The following CYFIP1 variants were observed in gnomAD, a reference collection of about 807,000 sequenced individuals.
CYFIP1 encodes the protein cytoplasmic FMR1 interacting protein 1, also known as cytoplasmic FMR1-interacting protein 1.
Under a neutral mutation model 163.5 loss-of-function variants are expected in CYFIP1, and 58 were observed. That is an observed-to-expected ratio of 0.35 (90% confidence interval 0.29 to 0.44). The LOEUF (loss-of-function observed/expected upper bound fraction) is 0.44. Among genes scored for constraint, CYFIP1 ranks in the 20% least tolerant of loss-of-function variants. The pLI, the probability that CYFIP1 is intolerant of heterozygous loss-of-function variation, is 1.00. For synonymous variants in CYFIP1, 663 were observed against 660.7 expected (o/e 1.00, Z -0.05); for missense variants, 1,338 against 1,653.8 (o/e 0.81, Z 3.31).
intron 1 of CYFIP1, among the ~76,000 whole-genome samples, chr15:22,975,282 C>G (rs2063227990): frequency 6.6e-6 from 1 of 151,908 alleles, no homozygotes; most frequent in African/African-American, 2.4e-5. Flanking sequence ...TCCAGCCTGG[C>G]CAACATGGTG....
intron 17 of CYFIP1, among the ~76,000 whole-genome samples, chr15:22,912,584 T>C (rs1427730776): frequency 1.3e-5 from 2 of 152,212 alleles, no homozygotes; most frequent in Non-Finnish European, 2.9e-5. Flanking sequence ...TACAAGTACA[T>C]AGGATTTTTA....
At chr15:22,948,632 C>A (rs189874427) in intron 1 of CYFIP1, among the ~76,000 whole-genome samples, 2 of 152,268 alleles carry the variant, frequency 1.3e-5, no homozygotes, top group East Asian at 3.9e-4. Context: ...CAAAATAACA[C>A]AGGTGCTGCA....
At chr15:22,923,957 A>AAAAAAAAACAAGAAAAAG (rs1415069529) in intron 13 of CYFIP1, among the ~76,000 whole-genome samples, 15 of 150,734 alleles carry the variant, frequency 1.0e-4, no homozygotes, top group African/African-American at 3.4e-4. Context: ...AAAAAAAAAA[A>AAAAAAAAACAAGAAAAAG]AAAAAAAACA....
At position 22,869,971 on chromosome 15, in the gene CYFIP1, A is replaced by G; in HGVS notation, c.*57T>C. 1 of 1,478,780 alleles carries G rather than the reference A, an allele frequency of 6.8e-7. No individual in the cohort carries two copies. Among genetic ancestry groups the G allele is most frequent in the Non-Finnish European group, 9.0e-7 (1 of 1,114,616 alleles). 91.6% of individuals were successfully genotyped at this position (1,478,780 alleles called of 1,614,324 possible). A position where few individuals can be genotyped will look rare whatever the true frequency, so the allele number is the denominator to read the frequency against. On this transcript the variant is annotated 3_prime_UTR_variant, in exon 31 of 31. Transcript: ENST00000617928. Reference sequence around the variant, plus strand: ...AAAATAGTCCCTAAAAATCTCACTAAATAGTTTACGGAGAGAAAGGCATGC... The same window carrying G: ...AAAATAGTCCCTAAAAATCTCACTAGATAGTTTACGGAGAGAAAGGCATGC...
intron 1 of CYFIP1, among the ~76,000 whole-genome samples, chr15:22,979,929 A>C (rs1346387684): frequency 6.6e-6 from 1 of 152,056 alleles, no homozygotes; most frequent in Admixed American, 6.5e-5. Flanking sequence ...TCGCCACTGG[A>C]GCTGTGCCAT....
At position 22,867,583 on chromosome 15, in the gene CYFIP1, T is replaced by C. The variant is rs1034578580; in HGVS notation, c.*2445A>G. 2.8e-4 allele frequency: 52 copies of C among 185,464 alleles called. No individual in the cohort carries two copies. Among genetic ancestry groups the C allele is most frequent in the Non-Finnish European group, 2.7e-4 (25 of 91,030 alleles). The allele number at this position is 185,464 out of a possible 1,614,324, so 11.5% of individuals were successfully genotyped here. A position where few individuals can be genotyped will look rare whatever the true frequency, so the allele number is the denominator to read the frequency against. On this transcript the variant is annotated 3_prime_UTR_variant, in exon 31 of 31. Transcript: ENST00000617928. ...TGATGCCTGGAACCTTGATTACCGT[T>C]TTACATCAGCTCTTGTACTTTTCAG... is the stretch of plus-strand genomic sequence containing the variant.
intron 10 of CYFIP1, among the ~76,000 whole-genome samples, chr15:22,932,560 T>C (rs1399471148): frequency 6.6e-6 from 1 of 152,342 alleles, no homozygotes; most frequent in African/African-American, 2.4e-5. Context: ...AAAAGGTTTC[T>C]TGACCCCTGA....
intron 26 of CYFIP1, among the ~76,000 whole-genome samples, chr15:22,876,756 A>G (rs1339402687): frequency 6.6e-6 from 1 of 152,026 alleles, no homozygotes; most frequent in African/African-American, 2.4e-5. Flanking sequence ...ACTTGAACCC[A>G]GGAGGTAGAA....
At chr15:22,924,730 T>C (rs1422091264) in intron 13 of CYFIP1, among the ~76,000 whole-genome samples, 1 of 152,168 alleles carries the variant, frequency 6.6e-6, no homozygotes, top group African/African-American at 2.4e-5. Context: ...AAAAAGCTTC[T>C]ACCAAAATAA....
At chr15:22,872,217 C>T (rs1207111177) in intron 30 of CYFIP1, among the ~76,000 whole-genome samples, 11 of 150,456 alleles carry the variant, frequency 7.3e-5, no homozygotes, top group African/African-American at 2.4e-4. Context: ...ATCACTTGAA[C>T]CTGGGCAGCA....
chr15:22,923,962 A>C (rs2061276156), intron 13 of CYFIP1, among the ~76,000 whole-genome samples: 1 of 151,344 alleles, frequency 6.6e-6, no homozygotes, highest in Non-Finnish European at 1.5e-5. Flanking sequence ...AAAAAAAAAA[A>C]AAACAAGAAA....
chr15:22,913,556 G>A (rs371423427), intron 17 of CYFIP1, among the ~76,000 whole-genome samples: 1,437 of 33,090 alleles, frequency 0.043, no homozygotes, highest in Middle Eastern at 0.1. Context: ...AAAAAAGAAA[G>A]AAAGAAAAAA....
At chr15:22,948,884 C>A in intron 1 of CYFIP1, among the ~76,000 whole-genome samples, 1 of 123,102 alleles carries the variant, frequency 8.1e-6, no homozygotes. Context: ...AATCTGAATA[C>A]CAGAGAGAAA....
intron 6 of CYFIP1, among the ~76,000 whole-genome samples, chr15:22,942,705 G>A (rs1180233516): frequency 2.0e-5 from 3 of 152,126 alleles, no homozygotes; most frequent in South Asian, 2.1e-4. Context: ...GACTGTGCAC[G>A]GGCCACGTCT....
At position 22,873,597 on chromosome 15, in the gene CYFIP1, TG is replaced by T; in HGVS notation, c.3342del (p.Ser1115AlafsTer49). The T allele has an allele frequency of 6.2e-7, 1 of 1,614,256 alleles. No individual in the cohort carries two copies. The highest frequency in any genetic ancestry group is 8.5e-7 in the Non-Finnish European group (1 of 1,180,042). ...LDDPIWRGPL[P>X]SNGVMHVDEC... is the part of the protein sequence containing the mutation. ...TCGTCCACATGCATGACCCCATTGC[TG>T]GGCAGAGGCCCGCGCCAGATGGGGT... On this transcript the variant is annotated frameshift_variant, in exon 29 of 31. Transcript: ENST00000617928. LOFTEE classifies it high-confidence loss of function.
intron 1 of CYFIP1, among the ~76,000 whole-genome samples, chr15:22,954,411 A>G (rs6606804): frequency 0.91 from 138,178 of 152,258 alleles, 62,838 homozygotes; most frequent in African/African-American, 0.96. Context: ...GCTGTCTGCC[A>G]GGTAAGAACC....
rs1399701988 is a variant in CYFIP1 at position 22,917,977 on chromosome 15, G to A, written c.1527-42C>T. 1 of 1,595,082 alleles carries A rather than the reference G, an allele frequency of 6.3e-7. No homozygotes were observed. The highest frequency in any genetic ancestry group is 1.3e-5 in the African/African-American group (1 of 74,122). On this transcript the variant is annotated intron_variant, in intron 14 of 30. Coordinates refer to ENST00000617928, the MANE Select transcript of CYFIP1 (RefSeq NM_014608.6). The surrounding 1 kb of genome is among the most constrained non-coding windows in gnomAD (Gnocchi z 4.2). ...GTGATCAGCAAGGCCCAGAGGCCGA[G>A]ACCTCCAGCCTCACAATCACACCAT...
intron 1 of CYFIP1, among the ~76,000 whole-genome samples, chr15:22,963,761 C>T (rs1295905929): frequency 6.6e-6 from 1 of 152,034 alleles, no homozygotes; most frequent in African/African-American, 2.4e-5. Context: ...ACAACATGCC[C>T]GCGTCTGCCT....
At position 22,947,886 on chromosome 15, in the gene CYFIP1, GAAGGCAGACATCGTCT is replaced by G. The variant is rs1231358973; in HGVS notation, c.-6-611_-6-596del. ...GCAGCTGGAGCAGAGGTGCAGAAATGAAGGCAGACATCGTCTAAACACACCTTCAGAGCCAGCTCCA... is the reference window on the plus strand; with the variant it reads ...GCAGCTGGAGCAGAGGTGCAGAAATGAAACACACCTTCAGAGCCAGCTCCA... On this transcript the variant is annotated intron_variant, in intron 1 of 30. Coordinates refer to ENST00000617928, the MANE Select transcript of CYFIP1 (RefSeq NM_014608.6). The G allele has an allele frequency of 4.2e-6, 4 of 957,092 alleles. No homozygotes were observed. The African/African-American group carries it at 7.1e-5, about 17-fold the overall frequency. The allele number at this position is 957,092 out of a possible 1,614,324, so 59.3% of individuals were successfully genotyped here.
Sources: gnomAD v4.1 joint callset for allele counts (sites outside exome capture counted in the v4.1 genomes callset) on GRCh38, gnomAD v4.1.1 for gene constraint, Gnocchi (gnomAD v3.1) non-coding constraint, MANE v1.5 for transcripts, NCBI Gene and HGNC (gene_info 2026-07-23, HGNC 2026-07-21) for gene names.